SAXO1: variants seen among roughly 807,000 people sequenced by gnomAD.
The protein encoded by SAXO1 is stabilizer of axonemal microtubules 1.
A neutral mutation model predicts 17.5 loss-of-function variants in SAXO1; 21 were observed. The observed-to-expected ratio is 1.20, with a 90% CI of 0.85 to 1.72. The LOEUF is 1.72. Ranked by LOEUF, SAXO1 falls within the 40% of genes most tolerant of loss-of-function variation. SAXO1 has a pLI of 0.00. For missense variants in SAXO1, 843 were observed against 596.0 expected (o/e 1.41, Z -4.32); for synonymous variants, 274 against 216.5 (o/e 1.27, Z -2.33).
chr9:18,993,923 G>C (rs937700692), intron 1 of SAXO1, among the ~76,000 whole-genome samples: 17 of 152,232 alleles, frequency 1.1e-4, no homozygotes, highest in African/African-American at 4.1e-4. Flanking sequence ...CAAAGGTCTT[G>C]GTAGCACATA....
At chr9:18,932,286 A>G (rs533284382) in intron 3 of SAXO1, among the ~76,000 whole-genome samples, 2 of 152,358 alleles carry the variant, frequency 1.3e-5, no homozygotes, top group East Asian at 1.9e-4. Flanking sequence ...CAAAAAGACT[A>G]TCCTCTCCCA....
At chr9:18,963,645 A>G (rs951113848) in intron 1 of SAXO1, among the ~76,000 whole-genome samples, 8 of 152,188 alleles carry the variant, frequency 5.3e-5, no homozygotes, top group Admixed American at 2.6e-4. Context: ...TTGATTTCTT[A>G]TCCTGAGACT....
chr9:19,022,988 G>C (rs1375623856), intron 1 of SAXO1, among the ~76,000 whole-genome samples: 2 of 152,134 alleles, frequency 1.3e-5, no homozygotes, highest in African/African-American at 4.8e-5. Flanking sequence ...GTTAATGTCA[G>C]TATGAACTCA....
intron 1 of SAXO1, among the ~76,000 whole-genome samples, chr9:19,013,808 A>C (rs1834853487): frequency 6.6e-6 from 1 of 152,046 alleles, no homozygotes; most frequent in African/African-American, 2.4e-5. Flanking sequence ...CGGCCTCCCA[A>C]AGTGTTAGGA....
intron 1 of SAXO1, among the ~76,000 whole-genome samples, chr9:19,020,569 G>A (rs955308424): frequency 2.0e-5 from 3 of 152,096 alleles, no homozygotes; most frequent in Admixed American, 2.0e-4. Flanking sequence ...ATGCAGCCCA[G>A]GCTGGTCTTG....
chr9:19,025,947 C>A (rs1395825344), intron 1 of SAXO1, among the ~76,000 whole-genome samples: 1 of 151,764 alleles, frequency 6.6e-6, no homozygotes, highest in African/African-American at 2.4e-5. Flanking sequence ...ACTCTACAAT[C>A]AAAAATGGCC....
At chr9:19,032,184 A>C (rs1835801479) in intron 1 of SAXO1, among the ~76,000 whole-genome samples, 1 of 152,096 alleles carries the variant, frequency 6.6e-6, no homozygotes, top group Admixed American at 6.5e-5. Flanking sequence ...GCCCCAGCCA[A>C]GCAGAAACCC....
At chr9:19,013,838 C>T (rs987396648) in intron 1 of SAXO1, among the ~76,000 whole-genome samples, 5 of 152,048 alleles carry the variant, frequency 3.3e-5, no homozygotes, top group African/African-American at 1.2e-4. Flanking sequence ...TGAGGCGCCA[C>T]GCCCAGCCCA....
chr9:19,027,529 G>A, intron 1 of SAXO1: 1 of 1,006,200 alleles, frequency 9.9e-7, no homozygotes, highest in South Asian at 1.3e-5. Flanking sequence ...CAGGGACGGA[G>A]AAGACCCTCC....
rs577937043 is a variant in SAXO1 at position 19,009,875 on chromosome 9, A to G, written c.38+22996T>C. On this transcript the variant is annotated intron_variant, in intron 1 of 3. Coordinates refer to ENST00000380534, the MANE Select transcript of SAXO1 (RefSeq NM_153707.4). ...AAGGTCTTGCTCTGTCACCCAGGCT[A>G]AAGTGCAGTGGCACCATCTCTGCTC... Among the ~76,000 whole-genome samples, 216 of 150,940 alleles carry G rather than the reference A, an allele frequency of 1.4e-3. 1 individual carries two copies. The highest frequency in any genetic ancestry group is 2.6e-3 in the Non-Finnish European group (178 of 67,860).
chr9:18,960,535 TG>T (rs1277333877), intron 1 of SAXO1, among the ~76,000 whole-genome samples: 6 of 152,212 alleles, frequency 3.9e-5, no homozygotes, highest in African/African-American at 1.4e-4. Context: ...CCCAGCACTT[TG>T]GAAGACTGAG....
intron 1 of SAXO1, among the ~76,000 whole-genome samples, chr9:18,986,770 G>C (rs1040563868): frequency 1.3e-5 from 2 of 152,234 alleles, no homozygotes; most frequent in South Asian, 2.1e-4. Context: ...CTGCACAAGA[G>C]TGACACATCT....
intron 1 of SAXO1, among the ~76,000 whole-genome samples, chr9:18,969,225 C>T (rs1182733832): frequency 6.6e-6 from 1 of 152,168 alleles, no homozygotes; most frequent in East Asian, 1.9e-4. Flanking sequence ...ATGATAAATG[C>T]AGAGCCAACA....
chr9:18,956,100 A>G (rs1390215533), intron 1 of SAXO1, among the ~76,000 whole-genome samples: 2 of 137,470 alleles, frequency 1.5e-5, no homozygotes, highest in Non-Finnish European at 3.1e-5. Flanking sequence ...ACCACTGCAC[A>G]ACCTGGCTAA....
At chr9:18,990,094 C>G (rs1053613393) in intron 1 of SAXO1, among the ~76,000 whole-genome samples, 1 of 151,954 alleles carries the variant, frequency 6.6e-6, no homozygotes, top group Non-Finnish European at 1.5e-5. Context: ...CACATAGGTA[C>G]GCTCAGTGGC....
rs1057352463 is a variant in SAXO1, at chr9:18,928,787, A to C, written c.690T>G (p.Cys230Trp). ...TGGTAAGGCTTTCAAAGGGGATTTC[A>C]CAGGGCCTGAACTTCTCTGCTTCAT... is the stretch of plus-strand genomic sequence containing the variant. ...FVHEAEKFRP[C>W]EIPFESLTTQ... The change falls in exon 4 of 4, where the codon TGT becomes TGG. Residue 230 changes from cysteine (C) to tryptophan (W), a missense_variant. Coordinates refer to ENST00000380534, the MANE Select transcript of SAXO1 (RefSeq NM_153707.4). 4 of 1,613,968 alleles carry C rather than the reference A, an allele frequency of 2.5e-6. No individual in the cohort carries two copies. The highest frequency in any genetic ancestry group is 3.4e-6 in the Non-Finnish European group (4 of 1,180,034).
chr9:19,003,346 C>A lies in SAXO1; in HGVS notation c.38+29525G>T, dbSNP rs528316592. Among the ~76,000 whole-genome samples the A allele has an allele frequency of 3.9e-5, 6 of 152,232 alleles. No homozygotes were observed. In the South Asian group the frequency reaches 1.2e-3, roughly 32 times the overall value. ...AAGTAATTTACAGATTCAATGCTAT[C>A]CCCATCAAGCTACCATTGACTTTCT... On this transcript the variant is annotated intron_variant, in intron 1 of 3. Transcript: ENST00000380534.
chr9:18,977,887 C>G (rs974502449), intron 1 of SAXO1, among the ~76,000 whole-genome samples: 1 of 148,256 alleles, frequency 6.7e-6, no homozygotes, highest in South Asian at 2.2e-4. Flanking sequence ...GCCAGCTACT[C>G]GGGAGGGCTG....
intron 2 of SAXO1, among the ~76,000 whole-genome samples, chr9:18,948,027 G>A (rs551019698): frequency 6.6e-6 from 1 of 152,220 alleles, no homozygotes; most frequent in Non-Finnish European, 1.5e-5. Context: ...TTTAGATAAA[G>A]AAGTGGGTGG....
Sources: gnomAD v4.1 joint callset for allele counts (sites outside exome capture counted in the v4.1 genomes callset) on GRCh38, gnomAD v4.1.1 for gene constraint, MANE v1.5 for transcripts, NCBI Gene and HGNC (gene_info 2026-07-23, HGNC 2026-07-21) for gene names.